The following ZNF337 variants were observed in gnomAD, a reference collection of about 807,000 sequenced individuals.
ZNF337 encodes the protein zinc finger protein 337.
A neutral mutation model predicts 12.1 loss-of-function variants in ZNF337; 8 were observed. The ratio of observed to expected loss-of-function variants is 0.66; its 90% CI spans 0.39 to 1.19. ZNF337 has a LOEUF of 1.19. Ranked by LOEUF, ZNF337 falls within the 50% of genes most tolerant of loss-of-function variation. The pLI is 0.01. For missense variants in ZNF337, 882 were observed against 896.6 expected (o/e 0.98, Z 0.21); for synonymous variants, 336 against 320.0 (o/e 1.05, Z -0.53).
intron 4 of ZNF337, among the ~76,000 whole-genome samples, chr20:25,679,787 G>T (rs2065749524): frequency 6.6e-6 from 1 of 152,098 alleles, no homozygotes; most frequent in East Asian, 1.9e-4. Context: ...ATACAATCCA[G>T]CAATCCCACT....
At chr20:25,680,574 T>G (rs2065757464) in intron 4 of ZNF337, among the ~76,000 whole-genome samples, 1 of 152,172 alleles carries the variant, frequency 6.6e-6, no homozygotes, top group Non-Finnish European at 1.5e-5. Flanking sequence ...TAGAAAGTAC[T>G]GCTGGTACTA....
chr20:25,690,373 T>C (rs553899115), intron 1 of ZNF337, among the ~76,000 whole-genome samples: 1 of 152,334 alleles, frequency 6.6e-6, no homozygotes, highest in African/African-American at 2.4e-5. Flanking sequence ...TGTTGTCTAA[T>C]GGAAAAATCT....
At chr20:25,696,416 G>T (rs138647601) in intron 1 of ZNF337, among the ~76,000 whole-genome samples, 1 of 152,258 alleles carries the variant, frequency 6.6e-6, no homozygotes, top group Non-Finnish European at 1.5e-5. Context: ...TAGGCCGCTG[G>T]CCCGTCCCCA....
chr20:25,682,509 C>T (rs2065779352), intron 4 of ZNF337, among the ~76,000 whole-genome samples: 1 of 151,914 alleles, frequency 6.6e-6, no homozygotes. Context: ...ACTATAAAGC[C>T]ACAGAAGAGT....
At chr20:25,694,099 A>T (rs951566331) in intron 1 of ZNF337, among the ~76,000 whole-genome samples, 5 of 152,220 alleles carry the variant, frequency 3.3e-5, no homozygotes, top group African/African-American at 1.2e-4. Flanking sequence ...CGGTGCTTCC[A>T]GAATAAGGAA....
intron 2 of ZNF337, 31 bp downstream of exon 2, chr20:25,686,360 C>A (rs1209309061): frequency 1.2e-6 from 2 of 1,600,022 alleles, no homozygotes; most frequent in Non-Finnish European, 1.7e-6. Context: ...CATCCTGTGA[C>A]AGCAAGAACG....
rs1034014990 is a variant in ZNF337 at position 25,686,083 on chromosome 20, G to C, written c.67C>G (p.Gln23Glu). The C allele has an allele frequency of 6.2e-7, 1 of 1,614,054 alleles. No homozygotes were observed. The highest frequency in any genetic ancestry group is 8.5e-7 in the Non-Finnish European group (1 of 1,179,998). The change falls in exon 3 of 5, where the codon CAG (glutamine) becomes GAG (glutamate). Residue 23 changes from glutamine (Q) to glutamate (E), a missense_variant. Transcript: ENST00000252979. ...AFGDVTVDFT[Q>E]KEWRLLSPAQ... is the part of the protein sequence containing the mutation. ...GGGCTCAGCAGCCTCCATTCCTTCT[G>C]GGTGAAATCCACAGTGACATCCCCA...
Position 25,676,197 on chromosome 20 carries a change from A to G in ZNF337, c.1091T>C (p.Ile364Thr), listed in dbSNP as rs754331653. ...GRGFSNKSHL[I>T]THQRTHSGEK... ...CCCTGAGTGTGTCCTCTGGTGTGTG[A>G]TAAGGTGTGACTTATTGCTAAAGCC... Residue 364 changes from isoleucine (I) to threonine (T), a missense_variant, in exon 5 of 5, where the codon ATC becomes ACC. By Grantham distance (89) the Ile-to-Thr change is moderately conservative. Coordinates refer to ENST00000252979, the MANE Select transcript of ZNF337 (RefSeq NM_015655.4). 5 of 1,613,990 alleles carry G rather than the reference A, an allele frequency of 3.1e-6. No homozygotes were observed. In the East Asian group the frequency reaches 8.9e-5, roughly 29 times the overall value.
chr20:25,677,059 A>C (rs376937626), intron 4 of ZNF337, 22 bp from the exon 5 acceptor site: 4 of 1,534,038 alleles, frequency 2.6e-6, no homozygotes, highest in Middle Eastern at 3.5e-4. Flanking sequence ...ACCAACAATG[A>C]GACTGAATCA....
intron 1 of ZNF337, among the ~76,000 whole-genome samples, chr20:25,696,172 C>A (rs2065926442): frequency 6.8e-6 from 1 of 147,960 alleles, no homozygotes; most frequent in Non-Finnish European, 1.5e-5. Context: ...CGCGGAAGAT[C>A]GTCCCAAGGC....
chr20:25,674,921 G>T lies in ZNF337; in HGVS notation c.*111C>A. The T allele has an allele frequency of 1.0e-6, 1 of 972,710 alleles. No individual in the cohort carries two copies. The highest frequency in any genetic ancestry group is 1.5e-6 in the Non-Finnish European group (1 of 657,612). 60.3% of individuals were successfully genotyped at this position (972,710 alleles called of 1,614,324 possible). A position where few individuals can be genotyped will look rare whatever the true frequency, so the allele number is the denominator to read the frequency against. On this transcript the variant is annotated 3_prime_UTR_variant, in exon 5 of 5. Coordinates refer to ENST00000252979, the MANE Select transcript of ZNF337 (RefSeq NM_015655.4). ...GGTTCTCTGTAGCCCTCTGGATTCT[G>T]TCTGCCTCTGTTATATCTTCACGAA...
chr20:25,687,724 A>G (rs1056488126), intron 1 of ZNF337, among the ~76,000 whole-genome samples: 7 of 152,260 alleles, frequency 4.6e-5, no homozygotes, highest in Non-Finnish European at 7.3e-5. Context: ...AAATATCTCC[A>G]TAGTAGCTAC....
Position 25,679,956 on chromosome 20 carries a change from G to T in ZNF337, c.251-2919C>A, listed in dbSNP as rs973051900. On this transcript the variant is annotated intron_variant, in intron 4 of 4. Coordinates refer to ENST00000252979, the MANE Select transcript of ZNF337 (RefSeq NM_015655.4). ...ATGTAGTACATATATATAATGGAAT[G>T]TTAGTCAACCATAAAGAAGAATAAG... Among the ~76,000 whole-genome samples the T allele has an allele frequency of 2.0e-5, 3 of 152,122 alleles. No individual in the cohort carries two copies. In the South Asian group the frequency reaches 6.2e-4, roughly 32 times the overall value.
rs2065695670 is a variant in ZNF337 at position 25,676,542 on chromosome 20, G to T, written c.746C>A (p.Ala249Asp). The T allele has an allele frequency of 1.2e-6, 2 of 1,614,050 alleles. No individual in the cohort carries two copies. The highest frequency in any genetic ancestry group is 4.5e-5 in the East Asian group (2 of 44,878). ...SVCGRGFSLK[A>D]NLLRHQRTHS... ...TGTCCTCTGGTGTCTGAGGAGGTTG[G>T]CCTTGAGGCTGAAGCCTCGCCCACA... The change falls in exon 5 of 5, where the codon GCC (alanine) becomes GAC (aspartate). Residue 249 changes from alanine to aspartate, a missense_variant. Coordinates refer to ENST00000252979, the MANE Select transcript of ZNF337 (RefSeq NM_015655.4).
intron 4 of ZNF337, chr20:25,681,133 G>A (rs944883154): frequency 1.3e-5 from 2 of 152,234 alleles, no homozygotes; most frequent in Non-Finnish European, 2.9e-5. Context: ...GTAAGGAGGC[G>A]GCAGCCTGTG....
At chr20:25,685,884 GA>G in intron 3 of ZNF337, 111 bp downstream of exon 3, 1 of 1,485,438 alleles carries the variant, frequency 6.7e-7, no homozygotes, top group Non-Finnish European at 9.1e-7. Flanking sequence ...ACCAAAGCCA[GA>G]CCTTCCTCAG....
At chr20:25,680,445 A>G (rs2065756315) in intron 4 of ZNF337, among the ~76,000 whole-genome samples, 1 of 152,184 alleles carries the variant, frequency 6.6e-6, no homozygotes, top group African/African-American at 2.4e-5. Flanking sequence ...GGCATCTACA[A>G]AGGGGAGATA....
intron 4 of ZNF337, among the ~76,000 whole-genome samples, chr20:25,682,723 T>C (rs1600440508): frequency 1.3e-5 from 2 of 151,996 alleles, no homozygotes; most frequent in East Asian, 3.9e-4. Context: ...TAGTCCCAGC[T>C]ACTCAAGAGG....
At chr20:25,685,772 C>T (rs527487675) in intron 3 of ZNF337, 110 bp from the exon 4 acceptor site, 1 of 1,191,186 alleles carries the variant, frequency 8.4e-7, no homozygotes, top group East Asian at 2.3e-5. Context: ...GGGGAAGGCT[C>T]AGGAGGACCC....
Sources: gnomAD v4.1 joint callset for allele counts (sites outside exome capture counted in the v4.1 genomes callset) on GRCh38, gnomAD v4.1.1 for gene constraint, MANE v1.5 for transcripts, NCBI Gene and HGNC (gene_info 2026-07-23, HGNC 2026-07-21) for gene names.